Variants in PYGL observed in about 807,000 individuals in gnomAD.
PYGL encodes the protein glycogen phosphorylase L.
Under a neutral mutation model 100.1 loss-of-function variants are expected in PYGL, and 90 were observed. That is an observed-to-expected ratio of 0.90 (90% confidence interval 0.76 to 1.07). PYGL has a LOEUF of 1.07. Ranked by LOEUF, PYGL falls within the 50% of genes least tolerant of loss-of-function variation. PYGL has a pLI of 0.00. For missense variants in PYGL, 1,016 were observed against 1,057.6 expected, an observed-to-expected ratio of 0.96 and a Z score of 0.55; for synonymous variants, 373 against 393.0, an observed-to-expected ratio of 0.95 and a Z score of 0.60.
intron 2 of PYGL, among the ~76,000 whole-genome samples, chr14:50,935,423 G>C: frequency 6.6e-6 from 1 of 152,172 alleles, no homozygotes; most frequent in Non-Finnish European, 1.5e-5. Context: ...TATTGACTCT[G>C]TTACTTCTTA....
chr14:50,937,939 G>C (rs1408221539), intron 1 of PYGL, 102 bp from the exon 2 acceptor site: 1 of 1,051,092 alleles, frequency 9.5e-7, no homozygotes. Flanking sequence ...GAAACAAACA[G>C]GCAGGACTAT....
At position 50,916,996 on chromosome 14, in the gene PYGL, C is replaced by T; in HGVS notation, c.965G>A (p.Gly322Asp). The change falls in exon 8 of 20, where the codon GGT becomes GAT. Residue 322 changes from glycine to aspartate, a missense_variant. Transcript: ENST00000216392. ...GAAGGCATCAAACACAGTTCCTGCACCACGGGTGGAGCCAAACTTGGAGGC... is the reference window on the plus strand; with the variant it reads ...GAAGGCATCAAACACAGTTCCTGCATCACGGGTGGAGCCAAACTTGGAGGC... ...FKASKFGSTR[G>D]AGTVFDAFPD... is the part of the protein sequence containing the mutation. The T allele has an allele frequency of 6.2e-7, 1 of 1,614,210 alleles. No individual in the cohort carries two copies. The highest frequency in any genetic ancestry group is 2.2e-5 in the East Asian group (1 of 44,882).
chr14:50,908,432 A>G, intron 18 of PYGL, 95 bp from the exon 19 acceptor site: 1 of 1,152,948 alleles, frequency 8.7e-7, no homozygotes. Flanking sequence ...TTTGCTTAAT[A>G]TCAGGCATGG....
At chr14:50,916,012 G>T in intron 9 of PYGL, 41 bp from the exon 10 acceptor site, 1 of 1,612,634 alleles carries the variant, frequency 6.2e-7, no homozygotes, top group East Asian at 2.2e-5. Flanking sequence ...CCTGAAGGTG[G>T]GCACCCCACT....
intron 2 of PYGL, among the ~76,000 whole-genome samples, chr14:50,935,614 A>T (rs537422178): frequency 8.5e-5 from 13 of 152,362 alleles, no homozygotes; most frequent in Non-Finnish European, 1.8e-4. Flanking sequence ...CATTAAAAAA[A>T]ATTGTGTGTG....
chr14:50,921,953 T>C (rs966283709), intron 5 of PYGL, among the ~76,000 whole-genome samples: 17 of 152,264 alleles, frequency 1.1e-4, no homozygotes, highest in Non-Finnish European at 2.2e-4. Context: ...CCTACAGTGA[T>C]CTGCCAAATC....
Position 50,912,304 on chromosome 14 carries a change from C to T in PYGL, c.1621-1G>A. ...ACTGAGAAAACTTCAGCTTATTCTC[C>T]TGTTAAGACAGTGCATGGTGCCAGA... On this transcript the variant is annotated splice_acceptor_variant, in intron 13 of 19. Transcript: ENST00000216392. LOFTEE classifies it high-confidence loss of function. 1.2e-6 allele frequency: 2 copies of T among 1,613,882 alleles called. No individual in the cohort carries two copies. The highest frequency in any genetic ancestry group is 1.7e-6 in the Non-Finnish European group (2 of 1,179,876).
intron 9 of PYGL, 126 bp from the exon 10 acceptor site, chr14:50,916,097 C>T: frequency 7.7e-7 from 1 of 1,304,100 alleles, no homozygotes; most frequent in South Asian, 1.2e-5. Context: ...TCAGAGCACT[C>T]AATTCCACTA....
chr14:50,929,790 T>C (rs11846565), intron 4 of PYGL, among the ~76,000 whole-genome samples: 9,598 of 152,252 alleles, frequency 0.063, 451 homozygotes, highest in African/African-American at 0.13. Context: ...GGTTACTCCA[T>C]TGGGGAGAGG....
At chr14:50,919,675 GT>G (rs1455731286) in intron 7 of PYGL, among the ~76,000 whole-genome samples, 11 of 151,870 alleles carry the variant, frequency 7.2e-5, no homozygotes, top group African/African-American at 2.7e-4. Context: ...TGGTGTGTGT[GT>G]GTGTGTGTGT....
intron 7 of PYGL, among the ~76,000 whole-genome samples, chr14:50,918,697 G>A (rs1458539789): frequency 6.6e-6 from 1 of 152,120 alleles, no homozygotes; most frequent in Non-Finnish European, 1.5e-5. Flanking sequence ...TTTATTGGGT[G>A]TACACTGCTC....
chr14:50,937,850 A>G lies in PYGL; in HGVS notation c.244-13T>C. ...GGTAATATACCCTCTGAAATAAAGAAAAGAGAGATAATGTTTCCCCCAAGA... is the reference window on the plus strand; with the variant it reads ...GGTAATATACCCTCTGAAATAAAGAGAAGAGAGATAATGTTTCCCCCAAGA... On this transcript the variant is annotated splice_polypyrimidine_tract_variant and intron_variant, in intron 1 of 19. Transcript: ENST00000216392. The G allele has an allele frequency of 6.3e-7, 1 of 1,591,334 alleles. No individual in the cohort carries two copies. Among genetic ancestry groups the G allele is most frequent in the Non-Finnish European group, 8.6e-7 (1 of 1,159,470 alleles).
chr14:50,905,990 G>C (rs967863563), intron 19 of PYGL, among the ~76,000 whole-genome samples: 1 of 152,160 alleles, frequency 6.6e-6, no homozygotes, highest in East Asian at 1.9e-4. Context: ...ACTCTAAAAT[G>C]TTAGCTATAA....
At chr14:50,906,111 G>C (rs1308046510) in intron 19 of PYGL, among the ~76,000 whole-genome samples, 1 of 151,930 alleles carries the variant, frequency 6.6e-6, no homozygotes, top group East Asian at 1.9e-4. Context: ...ACTCCACTGG[G>C]GCTTCAAAAC....
At chr14:50,939,157 C>T (rs1042805398) in intron 1 of PYGL, among the ~76,000 whole-genome samples, 1 of 152,166 alleles carries the variant, frequency 6.6e-6, no homozygotes, top group African/African-American at 2.4e-5. Flanking sequence ...CTCCTTCAGC[C>T]TCCTGAGTAG....
At chr14:50,920,709 G>A (rs2050492587) in intron 6 of PYGL, 86 bp from the exon 7 acceptor site, 1 of 1,362,656 alleles carries the variant, frequency 7.3e-7, no homozygotes, top group Non-Finnish European at 1.0e-6. Context: ...TGTGCTGTGT[G>A]TCATGTGGGA....
Position 50,913,046 on chromosome 14 carries a change from G to C in PYGL, c.1603C>G (p.Leu535Val). The C allele has an allele frequency of 6.2e-7, 1 of 1,613,970 alleles. No individual in the cohort carries two copies. Among genetic ancestry groups the C allele is most frequent in the Non-Finnish European group, 8.5e-7 (1 of 1,179,858 alleles). ...FLGDDVFLRE[L>V]AKVKQENKLK... ...AGGCTCACCTGCTTCACCTTGGCGA[G>C]TTCCCGGAGGAAGACATCATCACCC... Residue 535 changes from leucine (L) to valine (V), a missense_variant, in exon 13 of 20, where the codon CTC becomes GTC. Physicochemically the swap from Leu to Val is conservative, Grantham distance 32. Coordinates refer to ENST00000216392, the MANE Select transcript of PYGL (RefSeq NM_002863.5).
At chr14:50,921,224 A>G (rs1399980120) in intron 5 of PYGL, 157 bp from the exon 6 acceptor site, 2 of 618,272 alleles carry the variant, frequency 3.2e-6, no homozygotes, top group Non-Finnish European at 5.8e-6. Flanking sequence ...TCAGGGCTGC[A>G]GAGGGTATTA....
In PYGL at chr14:50,914,814, A is replaced by G. The variant is rs1038998525; in HGVS notation, c.1405T>C (p.Phe469Leu). ...IHSDIVKTKV[F>L]KDFSELEPDK... ...GGTTCTAGCTCACTGAAGTCCTTGAATCTGGAGATGGAGGAGACACATCAC... is the reference window on the plus strand; with the variant it reads ...GGTTCTAGCTCACTGAAGTCCTTGAGTCTGGAGATGGAGGAGACACATCAC... The change falls in exon 12 of 20, where the codon TTC becomes CTC. Residue 469 changes from phenylalanine (F) to leucine (L), a missense_variant and splice_region_variant. Coordinates refer to ENST00000216392, the MANE Select transcript of PYGL (RefSeq NM_002863.5). The G allele has an allele frequency of 1.2e-6, 2 of 1,609,084 alleles. No individual in the cohort carries two copies. The highest frequency in any genetic ancestry group is 1.3e-5 in the African/African-American group (1 of 74,914).
Sources: gnomAD v4.1 joint callset for allele counts (sites outside exome capture counted in the v4.1 genomes callset) on GRCh38, gnomAD v4.1.1 for gene constraint, MANE v1.5 for transcripts, NCBI Gene and HGNC (gene_info 2026-07-23, HGNC 2026-07-21) for gene names.